The following SH3BP5 variants were observed in gnomAD, a reference collection of about 807,000 sequenced individuals.
SH3BP5 encodes SH3 domain binding protein 5.
SH3BP5 carries 22 observed loss-of-function variants against 43.3 expected under a neutral mutation model. The observed-to-expected ratio is 0.51, with a 90% CI of 0.36 to 0.73. The LOEUF (loss-of-function observed/expected upper bound fraction) is 0.73, where lower values mean the gene tolerates loss of function less well. SH3BP5 is among the 30% of genes least tolerant of loss of function. The pLI, the probability that SH3BP5 is intolerant of heterozygous loss-of-function variation, is 0.00. For synonymous variants in SH3BP5, 255 were observed against 225.8 expected, an observed-to-expected ratio of 1.13 and a Z score of -1.16; for missense variants, 529 against 586.9, an observed-to-expected ratio of 0.90 and a Z score of 1.02.
intron 3 of SH3BP5, among the ~76,000 whole-genome samples, chr3:15,283,305 C>T (rs756927411): frequency 1.3e-5 from 2 of 152,058 alleles, no homozygotes; most frequent in Non-Finnish European, 2.9e-5. Flanking sequence ...GACTGAGGCA[C>T]GACAATCCTT....
intron 3 of SH3BP5, among the ~76,000 whole-genome samples, chr3:15,277,989 C>T (rs772514753): frequency 6.6e-6 from 1 of 152,182 alleles, no homozygotes; most frequent in African/African-American, 2.4e-5. Flanking sequence ...CCTGCAGGCA[C>T]GGGGTGGCAG....
In SH3BP5 at chr3:15,258,837, T is replaced by A; in HGVS notation, c.883A>T (p.Ile295Phe). 6.2e-7 allele frequency: 1 copy of A among 1,613,324 alleles called. No individual in the cohort carries two copies. The highest frequency in any genetic ancestry group is 1.1e-5 in the South Asian group (1 of 91,064). The change falls in exon 7 of 9, where the codon ATT becomes TTT. Residue 295 changes from isoleucine to phenylalanine, a missense_variant. By Grantham distance (21) the Ile-to-Phe change is conservative. Transcript: ENST00000383791. ...AGTGGAGCCCCTGACTTACCAGAAA[T>A]GGCATCAGGCTCAGGTTTGCTCCCT... ...LPGSKPEPDAISVASEAFEDD... is the reference protein window; with the variant it reads ...LPGSKPEPDAFSVASEAFEDD...
upstream of SH3BP5, chr3:15,332,680 C>G: frequency 8.8e-7 from 1 of 1,136,774 alleles, no homozygotes. Flanking sequence ...CGCCGCCAGT[C>G]CCAGCTATCC....
intron 2 of SH3BP5, among the ~76,000 whole-genome samples, chr3:15,328,895 C>T (rs566415272): frequency 1.3e-5 from 2 of 152,182 alleles, no homozygotes; most frequent in Non-Finnish European, 2.9e-5. Context: ...CAGTTTAATA[C>T]AGTGGCAACT....
intron 3 of SH3BP5, chr3:15,276,066 T>G (rs1321752845): frequency 2.7e-5 from 4 of 148,222 alleles, no homozygotes; most frequent in African/African-American, 1.0e-4. Flanking sequence ...GAATGTGATG[T>G]GACCTTCATT....
upstream of SH3BP5, among the ~76,000 whole-genome samples, chr3:15,336,872 C>T (rs1698705978): frequency 6.6e-6 from 1 of 152,048 alleles, no homozygotes; most frequent in South Asian, 2.1e-4. Flanking sequence ...GCTTAGATTC[C>T]ATTGTCCATC....
chr3:15,324,488 CAAG>C (rs985568664), intron 2 of SH3BP5, among the ~76,000 whole-genome samples: 2 of 152,050 alleles, frequency 1.3e-5, no homozygotes, highest in Admixed American at 6.5e-5. Flanking sequence ...CACCTGTGTA[CAAG>C]AAGGTCAGGG....
At chr3:15,322,928 G>T (rs1209422444) in intron 2 of SH3BP5, among the ~76,000 whole-genome samples, 2 of 151,952 alleles carry the variant, frequency 1.3e-5, no homozygotes, top group Non-Finnish European at 2.9e-5. Flanking sequence ...AATCATTTGA[G>T]GTCAGGAGTT....
intron 3 of SH3BP5, among the ~76,000 whole-genome samples, chr3:15,283,384 G>A (rs555658482): frequency 1.2e-4 from 19 of 152,284 alleles, no homozygotes; most frequent in East Asian, 3.9e-4. Flanking sequence ...GCAACAGAGC[G>A]AGACCCTGTC....
chr3:15,299,082 G>C (rs890172575), intron 3 of SH3BP5, among the ~76,000 whole-genome samples: 1 of 152,212 alleles, frequency 6.6e-6, no homozygotes, highest in Non-Finnish European at 1.5e-5. Context: ...AAAATGACAG[G>C]TCCAAAGCCA....
chr3:15,259,322 T>G (rs1469430446), intron 6 of SH3BP5: 2 of 557,108 alleles, frequency 3.6e-6, no homozygotes, highest in Admixed American at 6.2e-5. Flanking sequence ...AAAATGGGCA[T>G]CAGACACACC....
intron 6 of SH3BP5, 127 bp from the exon 7 acceptor site, chr3:15,259,177 A>G: frequency 1.4e-6 from 1 of 729,134 alleles, no homozygotes; most frequent in South Asian, 1.8e-5. Context: ...GACATGACTG[A>G]AGACCTAATT....
chr3:15,276,702 G>A (rs990733895), intron 3 of SH3BP5, among the ~76,000 whole-genome samples: 1 of 152,206 alleles, frequency 6.6e-6, no homozygotes, highest in Non-Finnish European at 1.5e-5. Flanking sequence ...GTAGCTCCAA[G>A]TCAGGAAGAG....
chr3:15,290,461 G>A (rs1697380892), intron 3 of SH3BP5, among the ~76,000 whole-genome samples: 1 of 150,344 alleles, frequency 6.7e-6, no homozygotes, highest in Non-Finnish European at 1.5e-5. Flanking sequence ...GGGAGATGGA[G>A]GTTGCAGTGA....
intron 3 of SH3BP5, chr3:15,271,451 A>T (rs181152231): frequency 6.6e-6 from 1 of 152,304 alleles, no homozygotes; most frequent in Admixed American, 6.5e-5. Context: ...AGGCTGAGGC[A>T]GGTGGATCAC....
In SH3BP5 at chr3:15,274,224, T is replaced by C. The variant is rs183714828; in HGVS notation, c.331-4347A>G. Among the ~76,000 whole-genome samples the C allele has an allele frequency of 2.8e-3, 430 of 150,974 alleles. 4 individuals are homozygous for C. The highest frequency in any genetic ancestry group is 0.01 in the African/African-American group (410 of 40,862). ...TCACACCATTGCACTCTAGCCTGGG[T>C]GACAGAGCAAGACTCTAGCTCAACA... is the stretch of plus-strand genomic sequence containing the variant. On this transcript the variant is annotated intron_variant, in intron 3 of 8. Coordinates refer to ENST00000383791, the MANE Select transcript of SH3BP5 (RefSeq NM_004844.5).
In SH3BP5 at chr3:15,265,512, T is replaced by TCACACACACACACACACACACACACACA. The variant is rs368955496; in HGVS notation, c.496-3251_496-3224dup. ...GCCTGAGCTACAGGGCGAGACTCCG[T>TCACACACACACACACACACACACACACA]CACACACACACACACACACACACAC... is the stretch of plus-strand genomic sequence containing the variant. On this transcript the variant is annotated intron_variant, in intron 4 of 8. Transcript: ENST00000383791. Among the ~76,000 whole-genome samples the TCACACACACACACACACACACACACACA allele has an allele frequency of 1.4e-3, 152 of 107,976 alleles. 3 individuals carry two copies. Among genetic ancestry groups the TCACACACACACACACACACACACACACA allele is most frequent in the African/African-American group, 3.9e-3 (94 of 24,110 alleles). 70.8% of individuals were successfully genotyped at this position (107,976 alleles called of 152,430 possible). A position where few individuals can be genotyped will look rare whatever the true frequency, so the allele number is the denominator to read the frequency against.
intron 1 of SH3BP5, among the ~76,000 whole-genome samples, chr3:15,339,355 T>G (rs1698737216): frequency 6.6e-6 from 1 of 152,118 alleles, no homozygotes; most frequent in African/African-American, 2.4e-5. Context: ...ATATCTGTAG[T>G]CTTACAGGAC....
chr3:15,293,525 C>T (rs1697472558), intron 3 of SH3BP5, among the ~76,000 whole-genome samples: 1 of 152,202 alleles, frequency 6.6e-6, no homozygotes, highest in South Asian at 2.1e-4. Context: ...GTTACCCTAG[C>T]CAAGAAGAGG....
Sources: allele counts gnomAD v4.1 joint callset (sites outside exome capture counted in the v4.1 genomes callset), GRCh38; gene constraint gnomAD v4.1.1; transcripts MANE v1.5; gene names NCBI Gene and HGNC (gene_info 2026-07-23, HGNC 2026-07-21).